The following CADM2 variants were observed in gnomAD, a reference collection of about 807,000 sequenced individuals.
The protein encoded by CADM2 is cell adhesion molecule 2.
A neutral mutation model predicts 49.8 loss-of-function variants in CADM2; 12 were observed. The ratio of observed to expected loss-of-function variants is 0.24; its 90% CI spans 0.15 to 0.39. The LOEUF is 0.39. Among genes scored for constraint, CADM2 ranks in the 10% least tolerant of loss-of-function variants. CADM2 has a pLI of 1.00. For missense variants in CADM2, 378 were observed against 492.3 expected, an observed-to-expected ratio of 0.77 and a Z score of 2.20; for synonymous variants, 214 against 175.4, an observed-to-expected ratio of 1.22 and a Z score of -1.74.
intron 1 of CADM2, among the ~76,000 whole-genome samples, chr3:85,654,833 G>C (rs2107592600): frequency 6.6e-6 from 1 of 152,194 alleles, no homozygotes; most frequent in South Asian, 2.1e-4. Context: ...TACAATTCTT[G>C]TATTCTCTAC....
At chr3:85,344,618 A>G (rs62253085) in intron 1 of CADM2, among the ~76,000 whole-genome samples, 76,897 of 151,278 alleles carry the variant, frequency 0.51, 20,158 homozygotes, top group East Asian at 0.82. Context: ...GAGCACGACA[A>G]TTCATAGCCA....
chr3:85,939,850 G>T (rs9861174), intron 7 of CADM2, among the ~76,000 whole-genome samples: 41,270 of 147,128 alleles, frequency 0.28, 7,037 homozygotes, highest in African/African-American at 0.49. Flanking sequence ...TTCTATAAAA[G>T]AAGAAAGAAT....
intron 1 of CADM2, among the ~76,000 whole-genome samples, chr3:85,663,954 C>T (rs1034434934): frequency 1.3e-5 from 2 of 152,074 alleles, no homozygotes; most frequent in Non-Finnish European, 2.9e-5. Context: ...TTAGAATTTT[C>T]GTCTTACGCA....
chr3:85,839,943 C>G (rs2074570118), intron 3 of CADM2, among the ~76,000 whole-genome samples: 1 of 151,744 alleles, frequency 6.6e-6, no homozygotes, highest in Non-Finnish European at 1.5e-5. Context: ...TTGGCCATGT[C>G]TTATTTCTCA....
At chr3:86,030,665 G>A (rs1734449463) in intron 8 of CADM2, among the ~76,000 whole-genome samples, 1 of 151,812 alleles carries the variant, frequency 6.6e-6, no homozygotes, top group Non-Finnish European at 1.5e-5. Flanking sequence ...ATTGTCTACT[G>A]TTGGTAAAAT....
chr3:85,707,529 C>T (rs2066989225), intron 1 of CADM2, among the ~76,000 whole-genome samples: 1 of 149,584 alleles, frequency 6.7e-6, no homozygotes, highest in Non-Finnish European at 1.5e-5. Flanking sequence ...TGTTTAATTG[C>T]TTTTTCTTAA....
At chr3:85,048,965 A>G (rs1373311038) in intron 1 of CADM2, among the ~76,000 whole-genome samples, 2 of 152,190 alleles carry the variant, frequency 1.3e-5, no homozygotes, top group Non-Finnish European at 2.9e-5. Flanking sequence ...ATATATGGAA[A>G]CATAGCATTT....
chr3:84,997,566 T>C (rs1333981376), intron 1 of CADM2, among the ~76,000 whole-genome samples: 1 of 152,152 alleles, frequency 6.6e-6, no homozygotes, highest in Non-Finnish European at 1.5e-5. Context: ...TTATCTGAAA[T>C]AACTGAGTTT....
intron 1 of CADM2, among the ~76,000 whole-genome samples, chr3:85,704,348 T>A (rs1328505772): frequency 6.6e-6 from 1 of 152,184 alleles, no homozygotes; most frequent in Non-Finnish European, 1.5e-5. Flanking sequence ...ATGTCTTAGC[T>A]CAGGCTGCTG....
Position 85,961,527 on chromosome 3 carries a change from G to A in CADM2, c.850G>A (p.Val284Ile). 1 of 1,609,292 alleles carries A rather than the reference G, an allele frequency of 6.2e-7. No individual in the cohort carries two copies. Among genetic ancestry groups the A allele is most frequent in the South Asian group, 1.1e-5 (1 of 90,684 alleles). The change falls in exon 8 of 10, where the codon GTT (valine) becomes ATT (isoleucine). Residue 284 changes from valine to isoleucine, a missense_variant. Physicochemically the swap from Val to Ile is conservative, Grantham distance 29. Coordinates refer to ENST00000383699, the MANE Select transcript of CADM2 (RefSeq NM_001167675.2). ...AGAATTACCAGATCCTGACCGAATG[G>A]TTGTGAGTGGTAGGGAGCTAAACAT... is the stretch of plus-strand genomic sequence containing the variant. ...GGELPDPDRM[V>I]VSGRELNILF...
intron 1 of CADM2, among the ~76,000 whole-genome samples, chr3:85,166,231 T>A (rs1170800368): frequency 6.6e-6 from 1 of 151,898 alleles, no homozygotes; most frequent in East Asian, 1.9e-4. Flanking sequence ...ATTTTAAACA[T>A]CCGTCATCCG....
At chr3:85,092,980 A>G (rs1005692906) in intron 1 of CADM2, among the ~76,000 whole-genome samples, 1 of 152,144 alleles carries the variant, frequency 6.6e-6, no homozygotes, top group Non-Finnish European at 1.5e-5. Context: ...GCCTTTTGTT[A>G]TATCAGCACT....
At position 85,459,603 on chromosome 3, in the gene CADM2, TA is replaced by T. The variant is rs535763518; in HGVS notation, c.62-266917del. 3.5e-3 allele frequency among the ~76,000 whole-genome samples: 532 copies of T among 152,348 alleles called. 1 individual carries two copies. The highest frequency in any genetic ancestry group is 0.012 in the African/African-American group (499 of 41,580). Reference sequence around the variant, plus strand: ...ACCAGATGCTGAAATAAACTATATTTAAGACTATTAGATTCAATAAAACTAC... The same window carrying T: ...ACCAGATGCTGAAATAAACTATATTTAGACTATTAGATTCAATAAAACTAC... On this transcript the variant is annotated intron_variant, in intron 1 of 9. Transcript: ENST00000383699.
chr3:85,995,545 AACCT>A (rs1729275043), intron 8 of CADM2, among the ~76,000 whole-genome samples: 1 of 152,180 alleles, frequency 6.6e-6, no homozygotes, highest in Admixed American at 6.5e-5. Context: ...AAAGCCATTT[AACCT>A]ACTTTCTGCA....
chr3:85,381,439 A>ATG (rs1187985930), intron 1 of CADM2, among the ~76,000 whole-genome samples: 2 of 147,882 alleles, frequency 1.4e-5, no homozygotes, highest in African/African-American at 4.9e-5. Context: ...ATATATATAT[A>ATG]AAGAAAATAT....
chr3:85,594,711 T>C (rs147875629), intron 1 of CADM2, among the ~76,000 whole-genome samples: 112 of 152,112 alleles, frequency 7.4e-4, no homozygotes, highest in African/African-American at 2.6e-3. Context: ...TGTTTTTACT[T>C]ATTAGTGAGG....
At chr3:85,787,577 G>A (rs1030721351) in intron 2 of CADM2, among the ~76,000 whole-genome samples, 12 of 152,042 alleles carry the variant, frequency 7.9e-5, no homozygotes, top group Admixed American at 6.6e-4. Context: ...TTAAAAGTTG[G>A]CCTTCCATAT....
intron 1 of CADM2, among the ~76,000 whole-genome samples, chr3:85,236,124 A>T: frequency 6.6e-6 from 1 of 152,212 alleles, no homozygotes; most frequent in East Asian, 1.9e-4. Context: ...CCAAAAAAGT[A>T]CTTCTCACGG....
At chr3:85,942,958 A>C (rs1722137866) in intron 7 of CADM2, among the ~76,000 whole-genome samples, 1 of 152,096 alleles carries the variant, frequency 6.6e-6, no homozygotes, top group Non-Finnish European at 1.5e-5. Context: ...CCAACAGTGT[A>C]AAAGTGTTCC....
Sources: gnomAD v4.1 joint callset for allele counts (sites outside exome capture counted in the v4.1 genomes callset) on GRCh38, gnomAD v4.1.1 for gene constraint, MANE v1.5 for transcripts, NCBI Gene and HGNC (gene_info 2026-07-23, HGNC 2026-07-21) for gene names.